The following SLC22A11 variants were observed in gnomAD, a reference collection of about 807,000 sequenced individuals.
SLC22A11 encodes solute carrier family 22 member 11.
In SLC22A11, 42 loss-of-function variants were observed where a neutral mutation model predicts 49.4. The observed-to-expected ratio is 0.85, with a 90% CI of 0.66 to 1.10. The LOEUF (loss-of-function observed/expected upper bound fraction) is 1.10. Ranked by LOEUF, SLC22A11 falls within the 50% of genes least tolerant of loss-of-function variation. The pLI is 0.00. For synonymous variants in SLC22A11, 304 were observed against 315.8 expected, an observed-to-expected ratio of 0.96 and a Z score of 0.40; for missense variants, 685 against 731.6, an observed-to-expected ratio of 0.94 and a Z score of 0.74.
At position 64,562,077 on chromosome 11, in the gene SLC22A11, C is replaced by T; in HGVS notation, c.571C>T (p.Pro191Ser). 1.2e-6 allele frequency: 2 copies of T among 1,613,902 alleles called. No homozygotes were observed. Among genetic ancestry groups the T allele is most frequent in the Non-Finnish European group, 1.7e-6 (2 of 1,180,028 alleles). Residue 191 changes from proline (P) to serine (S), a missense_variant, in exon 3 of 10, where the codon CCA (proline) becomes TCA (serine). Transcript: ENST00000301891. This position sits in a 1 kb window ranked among gnomAD's most constrained non-coding sequence, Gnocchi z 4.4. ...GGCGGGCACCAGCACCATCTTCGCC[C>T]CAACATTCGTCATCTACTGCGGCCT... Reference protein sequence around the residue: ...AVAGTSTIFAPTFVIYCGLRF... With the variant: ...AVAGTSTIFASTFVIYCGLRF...
At position 64,567,750 on chromosome 11, in the gene SLC22A11, A is replaced by G. The variant is rs146493539; in HGVS notation, c.1210A>G (p.Ile404Val). ...LLLSFLGRRT[I>V]QAGSQAMAGL... ...GCTCAGTTTCCTTGGCCGCCGCACCATCCAGGCGGGTTCCCAGGCCATGGC... is the reference window on the plus strand; with the variant it reads ...GCTCAGTTTCCTTGGCCGCCGCACCGTCCAGGCGGGTTCCCAGGCCATGGC... The change falls in exon 7 of 10, where the codon ATC (isoleucine) becomes GTC (valine). Residue 404 changes from isoleucine (I) to valine (V), a missense_variant. Physicochemically the swap from Ile to Val is conservative, Grantham distance 29. Transcript: ENST00000301891. The G allele has an allele frequency of 3.5e-5, 57 of 1,613,024 alleles. No homozygotes were observed. In the African/African-American group the frequency reaches 7.2e-4, roughly 20 times the overall value.
intron 1 of SLC22A11, among the ~76,000 whole-genome samples, chr11:64,557,067 C>A (rs568100130): frequency 6.6e-6 from 1 of 152,174 alleles, no homozygotes; most frequent in African/African-American, 2.4e-5. Context: ...TCCATTCCAC[C>A]GGTGAATTCA....
In SLC22A11 at chr11:64,571,290, T is replaced by TTGGTTG; in HGVS notation, c.*248_*249insTGGTTG. The stretch of plus-strand genomic sequence containing the variant: ...CGGGCCCTACAGGAGCCTGTGCAGA[T>TTGGTTG]GGCCATGCCCAACCAATAACGAGAC... On this transcript the variant is annotated 3_prime_UTR_variant, in exon 10 of 10. Coordinates refer to ENST00000301891, the MANE Select transcript of SLC22A11 (RefSeq NM_018484.4). 1.9e-6 allele frequency: 1 copy of TTGGTTG among 517,848 alleles called. No homozygotes were observed. The highest frequency in any genetic ancestry group is 3.4e-6 in the Non-Finnish European group (1 of 290,066). The allele number at this position is 517,848 out of a possible 1,614,324, so 32.1% of individuals were successfully genotyped here.
chr11:64,566,192 G>T (rs892923483), intron 6 of SLC22A11: 3 of 151,982 alleles, frequency 2.0e-5, no homozygotes, highest in African/African-American at 7.3e-5. Flanking sequence ...GCTGCACTGA[G>T]CTGAGATTGT....
At chr11:64,559,356 C>T in intron 2 of SLC22A11, 118 bp downstream of exon 2, 1 of 785,360 alleles carries the variant, frequency 1.3e-6, no homozygotes, top group South Asian at 2.1e-5. Flanking sequence ...CTCCCTCCTG[C>T]CTCCTCTGTT....
Position 64,565,103 on chromosome 11 carries a change from A to G in SLC22A11, c.943-119A>G, listed in dbSNP as rs913238596. On this transcript the variant is annotated intron_variant, in intron 5 of 9. Transcript: ENST00000301891. The surrounding 1 kb of genome is among the most constrained non-coding windows in gnomAD (Gnocchi z 4.1). The stretch of plus-strand genomic sequence containing the variant: ...CTTCCCCTAGGGATCCAGCTTCCAG[A>G]GGCCGAGGCCCAGGACAGGCTCCCC... The G allele has an allele frequency of 5.9e-5, 44 of 745,248 alleles. 1 individual carries two copies. The South Asian group carries it at 8.5e-4, about 14-fold the overall frequency. 46.2% of individuals were successfully genotyped at this position (745,248 alleles called of 1,614,324 possible). A position where few individuals can be genotyped will look rare whatever the true frequency, so the allele number is the denominator to read the frequency against.
intron 1 of SLC22A11, among the ~76,000 whole-genome samples, chr11:64,558,234 A>G (rs1406942282): frequency 6.6e-6 from 1 of 152,100 alleles, no homozygotes; most frequent in African/African-American, 2.4e-5. Context: ...TGTGCCCGGG[A>G]TTTTCTTTTA....
In SLC22A11 at chr11:64,564,015, C is replaced by T. The variant is rs2038587732; in HGVS notation, c.822-293C>T. Among the ~76,000 whole-genome samples, 2 of 152,184 alleles carry T rather than the reference C, an allele frequency of 1.3e-5. No individual in the cohort carries two copies. Among genetic ancestry groups the T allele is most frequent in the South Asian group, 4.1e-4 (2 of 4,836 alleles). ...AGCCAACTCTAGGGACACCCATGCC[C>T]AGGCCACCTGTGCCCTGGCTGTGTG... is the stretch of plus-strand genomic sequence containing the variant. On this transcript the variant is annotated intron_variant, in intron 4 of 9. Transcript: ENST00000301891. This position sits in a 1 kb window ranked among gnomAD's most constrained non-coding sequence, Gnocchi z 4.2.
At chr11:64,557,316 G>A (rs1015146661) in intron 1 of SLC22A11, among the ~76,000 whole-genome samples, 16 of 152,242 alleles carry the variant, frequency 1.1e-4, no homozygotes, top group African/African-American at 1.9e-4. Flanking sequence ...CCGGCAGTCA[G>A]GGTCTGGAGC....
At position 64,562,323 on chromosome 11, in the gene SLC22A11, G is replaced by A. The variant is rs1301814123; in HGVS notation, c.709G>A (p.Ala237Thr). Residue 237 changes from alanine to threonine, a missense_variant, in exon 4 of 10, where the codon GCC (alanine) becomes ACC (threonine). Transcript: ENST00000301891. This position sits in a 1 kb window ranked among gnomAD's most constrained non-coding sequence, Gnocchi z 4.4. The part of the protein sequence containing the change: ...RAVTMTVVGC[A>T]FSAGQAALGG... Reference sequence around the variant, plus strand: ...GGTCACCATGACGGTGGTGGGATGTGCCTTCAGCGCAGGCCAGGCGGCGCT... The same window carrying A: ...GGTCACCATGACGGTGGTGGGATGTACCTTCAGCGCAGGCCAGGCGGCGCT... 1.9e-6 allele frequency: 3 copies of A among 1,611,362 alleles called. No homozygotes were observed. The highest frequency in any genetic ancestry group is 2.2e-5 in the East Asian group (1 of 44,790).
chr11:64,567,071 C>T, intron 6 of SLC22A11, among the ~76,000 whole-genome samples: 1 of 151,968 alleles, frequency 6.6e-6, no homozygotes, highest in South Asian at 2.1e-4. Flanking sequence ...TCCCTCTGCC[C>T]CATGAACCAG....
chr11:64,569,878 T>C lies in SLC22A11; in HGVS notation c.1589+20T>C. Reference sequence around the variant, plus strand: ...GAGCCAGTGAGTGACCTGTGATCCCTGGGCATCGGGCTGGGCTTCCTCCTG... The same window carrying C: ...GAGCCAGTGAGTGACCTGTGATCCCCGGGCATCGGGCTGGGCTTCCTCCTG... On this transcript the variant is annotated intron_variant, in intron 9 of 9. Coordinates refer to ENST00000301891, the MANE Select transcript of SLC22A11 (RefSeq NM_018484.4). 6.2e-7 allele frequency: 1 copy of C among 1,609,708 alleles called. No individual in the cohort carries two copies. The highest frequency in any genetic ancestry group is 8.5e-7 in the Non-Finnish European group (1 of 1,179,594).
chr11:64,558,317 C>T (rs577331910), intron 1 of SLC22A11, among the ~76,000 whole-genome samples: 1 of 152,200 alleles, frequency 6.6e-6, no homozygotes, highest in Non-Finnish European at 1.5e-5. Flanking sequence ...GTCTGACTTG[C>T]ATTTTCAAGA....
chr11:64,565,804 G>A lies in SLC22A11; in HGVS notation c.1058+467G>A, dbSNP rs2038617402. The A allele has an allele frequency of 1.2e-5, 4 of 336,562 alleles. No homozygotes were observed. The highest frequency in any genetic ancestry group is 2.4e-5 in the Non-Finnish European group (4 of 169,516). 20.8% of individuals were successfully genotyped at this position (336,562 alleles called of 1,614,324 possible). A position where few individuals can be genotyped will look rare whatever the true frequency, so the allele number is the denominator to read the frequency against. On this transcript the variant is annotated intron_variant, in intron 6 of 9. Transcript: ENST00000301891. This position sits in a 1 kb window ranked among gnomAD's most constrained non-coding sequence, Gnocchi z 4.1. ...ACTGATGGGGAAAGAGGATCCCAGA[G>A]GGGTAAGGAACAAGCCCAAAATAAT...
rs753518818 is a variant in SLC22A11 at position 64,565,240 on chromosome 11, AAGG to A, written c.968_970del (p.Glu323del). 81 of 1,543,766 alleles carry A rather than the reference AAGG, an allele frequency of 5.2e-5. No individual in the cohort carries two copies. The highest frequency in any genetic ancestry group is 1.1e-5 in the Non-Finnish European group (13 of 1,142,478). On this transcript the variant is annotated inframe_deletion, in exon 6 of 10. Transcript: ENST00000301891. The surrounding 1 kb of genome is among the most constrained non-coding windows in gnomAD (Gnocchi z 4.1). ...CCGGAAGGTGCTGATGTCCAGCGTG[AAGG>A]AGGAGGTGGCCTCTGCAAAGGAGCC...
In SLC22A11 at chr11:64,569,720, T is replaced by G. The variant is rs201828796; in HGVS notation, c.1451T>G (p.Met484Arg). Reference sequence around the variant, plus strand: ...GCTATGATGGGTCCCCTGATCCTGATGAGCCGCCAAGCCCTGCCCCTGCTG... The same window carrying G: ...GCTATGATGGGTCCCCTGATCCTGAGGAGCCGCCAAGCCCTGCCCCTGCTG... ...LGAMMGPLIL[M>R]SRQALPLLPP... The change falls in exon 9 of 10, where the codon ATG (methionine) becomes AGG (arginine). Residue 484 changes from methionine (M) to arginine (R), a missense_variant. Physicochemically the swap from Met to Arg is moderately conservative, Grantham distance 91. Coordinates refer to ENST00000301891, the MANE Select transcript of SLC22A11 (RefSeq NM_018484.4). 2.0e-5 allele frequency: 32 copies of G among 1,614,084 alleles called. No individual in the cohort carries two copies. The East Asian group carries it at 6.9e-4, about 35-fold the overall frequency.
In SLC22A11 at chr11:64,562,118, T is replaced by G. The variant is rs34525500; in HGVS notation, c.612T>G (p.Ala204=). Residue 204 remains alanine, a synonymous_variant, in exon 3 of 10, where the codon GCT becomes GCG. Transcript: ENST00000301891. This position sits in a 1 kb window ranked among gnomAD's most constrained non-coding sequence, Gnocchi z 4.4. ...ACTGCGGCCTGCGGTTCGTGGCCGC[T>G]TTTGGGATGGCCGGCATCTTTCTGA... The part of the protein sequence containing the change: ...VIYCGLRFVA[A]FGMAGIFLSS... 3.2e-4 allele frequency: 510 copies of G among 1,613,776 alleles called. 1 individual carries two copies. The African/African-American group carries it at 5.7e-3, about 18-fold the overall frequency.
chr11:64,563,180 G>A (rs902817633), intron 4 of SLC22A11, among the ~76,000 whole-genome samples: 3 of 152,074 alleles, frequency 2.0e-5, no homozygotes, highest in African/African-American at 7.2e-5. Context: ...TGAAGAGGAA[G>A]GCCATCCCAT....
rs374737269 is a variant in SLC22A11, at chr11:64,556,072, A to G, written c.73A>G (p.Ile25Val). Reference sequence around the variant, plus strand: ...CCAGACCCTGCAGGTGCTCACCTTCATCCTCCCCTGCCTCATGATACCTTC... The same window carrying G: ...CCAGACCCTGCAGGTGCTCACCTTCGTCCTCCCCTGCCTCATGATACCTTC... ...LFQTLQVLTF[I>V]LPCLMIPSQM... The change falls in exon 1 of 10, where the codon ATC becomes GTC. Residue 25 changes from isoleucine to valine, a missense_variant. Transcript: ENST00000301891. 4 of 1,613,978 alleles carry G rather than the reference A, an allele frequency of 2.5e-6. No homozygotes were observed. Among genetic ancestry groups the G allele is most frequent in the Non-Finnish European group, 3.4e-6 (4 of 1,180,022 alleles).
Sources: gnomAD v4.1 joint callset for allele counts (sites outside exome capture counted in the v4.1 genomes callset) on GRCh38, gnomAD v4.1.1 for gene constraint, Gnocchi (gnomAD v3.1) non-coding constraint, MANE v1.5 for transcripts, NCBI Gene and HGNC (gene_info 2026-07-23, HGNC 2026-07-21) for gene names.